GLIS1: variants seen among roughly 807,000 people sequenced by gnomAD.
GLIS1 encodes zinc finger protein GLIS1.
Under a neutral mutation model 63.8 loss-of-function variants are expected in GLIS1, and 24 were observed. The ratio of observed to expected loss-of-function variants is 0.38; its 90% confidence interval spans 0.27 to 0.53. The LOEUF (loss-of-function observed/expected upper bound fraction) is 0.53, where lower values mean the gene tolerates loss of function less well. Ranked by LOEUF, GLIS1 falls within the 20% of genes least tolerant of loss-of-function variation. The probability of loss-of-function intolerance (pLI) is 0.85; values close to 1 mark genes in which losing one functional copy is unlikely to be tolerated. For missense variants in GLIS1, 1,036 were observed against 1,074.1 expected (o/e 0.96, Z 0.50); for synonymous variants, 450 against 482.5 (o/e 0.93, Z 0.88).
At chr1:53,520,013 G>A (rs1281340700) in intron 7 of GLIS1, among the ~76,000 whole-genome samples, 3 of 152,236 alleles carry the variant, frequency 2.0e-5, no homozygotes, top group African/African-American at 7.2e-5. Flanking sequence ...CATCCTGGGT[G>A]CTGGTGACTC....
rs145342510 is a variant in GLIS1 at position 53,687,323 on chromosome 1, G to A, written c.259+50483C>T. Among the ~76,000 whole-genome samples the A allele has an allele frequency of 4.0e-3, 612 of 152,278 alleles. 2 individuals carry two copies. Among genetic ancestry groups the A allele is most frequent in the Non-Finnish European group, 6.2e-3 (421 of 68,020 alleles). The stretch of plus-strand genomic sequence containing the variant: ...TGGGTCTCTCAGACATTTTTAGGGG[G>A]TGGGCAGTGGAAAGAAAGAAAGAGT... On this transcript the variant is annotated intron_variant, in intron 2 of 10. Transcript: ENST00000628545.
Position 53,594,330 on chromosome 1 carries a change from C to A in GLIS1, c.1098G>T (p.Val366=), listed in dbSNP as rs749938080. 6.2e-7 allele frequency: 1 copy of A among 1,611,718 alleles called. No individual in the cohort carries two copies. The highest frequency in any genetic ancestry group is 1.3e-5 in the African/African-American group (1 of 75,046). Residue 366 remains valine (V), a synonymous_variant, in exon 4 of 11, where the codon GTG becomes GTT. Transcript: ENST00000628545. ...CCCAGCGGCACGCCTGCCGCCCGGC[C>A]ACCACCCTGCCTGCCAGGCCCAGCC... is the stretch of plus-strand genomic sequence containing the variant. ...GLGLGLAGRV[V]AGRQACRWVD...
intron 7 of GLIS1, among the ~76,000 whole-genome samples, chr1:53,516,004 C>T (rs1644348972): frequency 6.6e-6 from 1 of 152,040 alleles, no homozygotes. Flanking sequence ...CAATTGACAT[C>T]ATTTTTTCTG....
intron 4 of GLIS1, among the ~76,000 whole-genome samples, chr1:53,563,189 G>T (rs1397913337): frequency 7.2e-5 from 11 of 152,264 alleles, no homozygotes; most frequent in Non-Finnish European, 1.5e-5. Context: ...TGGCCATGTG[G>T]TCTCATGCTC....
At chr1:53,510,703 A>G (rs1644290152) in intron 8 of GLIS1, among the ~76,000 whole-genome samples, 1 of 152,192 alleles carries the variant, frequency 6.6e-6, no homozygotes, top group African/African-American at 2.4e-5. Flanking sequence ...CCACTCCATC[A>G]ATCATCATCA....
At chr1:53,682,185 C>T (rs1217238475) in intron 2 of GLIS1, among the ~76,000 whole-genome samples, 1 of 152,224 alleles carries the variant, frequency 6.6e-6, no homozygotes, top group East Asian at 1.9e-4. Flanking sequence ...TGCCTCTACA[C>T]AGCCGCTCAC....
chr1:53,618,213 A>T (rs942694929), intron 2 of GLIS1, among the ~76,000 whole-genome samples: 1 of 152,198 alleles, frequency 6.6e-6, no homozygotes, highest in Non-Finnish European at 1.5e-5. Flanking sequence ...GCCCATCCCA[A>T]AACTTCCCCT....
chr1:53,684,283 G>T (rs1213075335), intron 2 of GLIS1, among the ~76,000 whole-genome samples: 1 of 152,052 alleles, frequency 6.6e-6, no homozygotes, highest in African/African-American at 2.4e-5. Flanking sequence ...CTCAACACAG[G>T]GCTGGCACCC....
intron 4 of GLIS1, among the ~76,000 whole-genome samples, chr1:53,543,125 G>C (rs1240972935): frequency 1.3e-5 from 2 of 152,368 alleles, no homozygotes; most frequent in Admixed American, 1.3e-4. Flanking sequence ...GATAGGAAGG[G>C]AGTGAAAGGA....
chr1:53,594,990 C>T lies in GLIS1; in HGVS notation c.438G>A (p.Arg146=), dbSNP rs1645240905. The T allele has an allele frequency of 2.1e-6, 3 of 1,422,064 alleles. No homozygotes were observed. Among genetic ancestry groups the T allele is most frequent in the African/African-American group, 2.9e-5 (2 of 68,972 alleles). The allele number at this position is 1,422,064 out of a possible 1,614,324, so 88.1% of individuals were successfully genotyped here. A position where few individuals can be genotyped will look rare whatever the true frequency, so the allele number is the denominator to read the frequency against. ...ERLLHFPHPD[R]SPRPQATYVN... ...CATACGTGGCCTGGGGTCTAGGTGA[C>T]CTGGAAGACAGTGCCCAGAGAGGTC... Residue 146 remains arginine, a splice_region_variant and synonymous_variant, in exon 4 of 11, where the codon AGG becomes AGA. Transcript: ENST00000628545.
In GLIS1 at chr1:53,653,100, G is replaced by A. The variant is rs553927628; in HGVS notation, c.260-52822C>T. On this transcript the variant is annotated intron_variant, in intron 2 of 10. Coordinates refer to ENST00000628545, the MANE Select transcript of GLIS1 (RefSeq NM_001367484.1). ...TGGGCAGGCCCTGTGGGCCCAAAGA[G>A]ACAAACCCAGGCTGGAGGTCGGACT... is the stretch of plus-strand genomic sequence containing the variant. 4.3e-4 allele frequency among the ~76,000 whole-genome samples: 65 copies of A among 152,312 alleles called. 1 individual carries two copies. In the South Asian group the frequency reaches 7.3e-3, roughly 17 times the overall value.
intron 2 of GLIS1, among the ~76,000 whole-genome samples, chr1:53,657,282 G>A (rs1188589992): frequency 6.6e-6 from 1 of 152,194 alleles, no homozygotes; most frequent in Non-Finnish European, 1.5e-5. Context: ...ATGCCACAGA[G>A]CTTTCTTTAC....
At chr1:53,719,791 G>A (rs145438587) in intron 2 of GLIS1, among the ~76,000 whole-genome samples, 4 of 152,104 alleles carry the variant, frequency 2.6e-5, no homozygotes, top group African/African-American at 7.2e-5. Context: ...CAGTATAAAG[G>A]TTCCTCAAAA....
chr1:53,557,586 G>A (rs545081370), intron 4 of GLIS1, among the ~76,000 whole-genome samples: 2 of 152,318 alleles, frequency 1.3e-5, no homozygotes, highest in African/African-American at 2.4e-5. Flanking sequence ...GGCTGAGGCC[G>A]GCTGGGGAAG....
At chr1:53,682,308 T>G (rs1646284394) in intron 2 of GLIS1, among the ~76,000 whole-genome samples, 2 of 152,244 alleles carry the variant, frequency 1.3e-5, no homozygotes, top group African/African-American at 4.8e-5. Flanking sequence ...AGGTTGTGTG[T>G]TAGGCATGAA....
At chr1:53,727,232 G>T (rs1286096937) in intron 2 of GLIS1, among the ~76,000 whole-genome samples, 1 of 152,226 alleles carries the variant, frequency 6.6e-6, no homozygotes, top group Admixed American at 6.5e-5. Context: ...GGGCTTGAAT[G>T]AATAATATGA....
Position 53,594,860 on chromosome 1 carries a change from G to A in GLIS1, c.568C>T (p.Pro190Ser), listed in dbSNP as rs906323382. The stretch of plus-strand genomic sequence containing the variant: ...TCTGGGTGCAGGCCAGTGGCCAGCG[G>A]GCCCCGACAGTGGGCAGACAGGGAT... ...RTSLSAHCRG[P>S]LATGLHPDLD... The change falls in exon 4 of 11, where the codon CCG becomes TCG. Residue 190 changes from proline (P) to serine (S), a missense_variant. Pro to Ser is a moderately conservative substitution (Grantham distance 74). Coordinates refer to ENST00000628545, the MANE Select transcript of GLIS1 (RefSeq NM_001367484.1). 6.3e-7 allele frequency: 1 copy of A among 1,586,186 alleles called. No individual in the cohort carries two copies.
At chr1:53,619,974 G>A (rs890887502) in intron 2 of GLIS1, among the ~76,000 whole-genome samples, 12 of 152,226 alleles carry the variant, frequency 7.9e-5, no homozygotes, top group Non-Finnish European at 1.6e-4. Flanking sequence ...GGTGGCCAGA[G>A]AGGATGATGC....
intron 2 of GLIS1, among the ~76,000 whole-genome samples, chr1:53,658,366 T>G (rs1210495466): frequency 6.6e-6 from 1 of 152,194 alleles, no homozygotes; most frequent in African/African-American, 2.4e-5. Flanking sequence ...GCTAACACAG[T>G]ACCTGGCACA....
Sources: gnomAD v4.1 joint callset for allele counts (sites outside exome capture counted in the v4.1 genomes callset) on GRCh38, gnomAD v4.1.1 for gene constraint, MANE v1.5 for transcripts, NCBI Gene and HGNC (gene_info 2026-07-23, HGNC 2026-07-21) for gene names.